Variants in TRAM2 observed in about 807,000 individuals in gnomAD.
The protein encoded by TRAM2 is translocation associated membrane protein 2.
Under a neutral mutation model 51.0 loss-of-function variants are expected in TRAM2, and 12 were observed. That is an observed-to-expected ratio of 0.24 (90% CI 0.15 to 0.38). The LOEUF (loss-of-function observed/expected upper bound fraction) is 0.38. Ranked by LOEUF, TRAM2 falls within the 10% of genes least tolerant of loss-of-function variation. TRAM2 has a pLI of 1.00. For synonymous variants in TRAM2, 175 were observed against 179.4 expected (o/e 0.98, Z 0.20); for missense variants, 361 against 462.0 (o/e 0.78, Z 2.00).
chr6:52,565,409 C>T (rs1054617489), intron 1 of TRAM2, among the ~76,000 whole-genome samples: 14 of 152,158 alleles, frequency 9.2e-5, no homozygotes, highest in African/African-American at 2.7e-4. Flanking sequence ...GGGCAAGTGA[C>T]GGCTGCGGGC....
intron 1 of TRAM2, among the ~76,000 whole-genome samples, chr6:52,563,694 C>CAAAA (rs556665738): frequency 1.4e-4 from 11 of 77,248 alleles, no homozygotes; most frequent in Admixed American, 5.1e-4. Flanking sequence ...GACTCAGCCT[C>CAAAA]AAAAAAAAAA....
At chr6:52,565,947 G>A (rs2268710) in intron 1 of TRAM2, among the ~76,000 whole-genome samples, 30,669 of 152,124 alleles carry the variant, frequency 0.2, 4,058 homozygotes, top group Non-Finnish European at 0.29. Flanking sequence ...GTAAGTCCAC[G>A]GTATTTGCAT....
chr6:52,553,783 G>C (rs1472889654), intron 1 of TRAM2, among the ~76,000 whole-genome samples: 1 of 152,172 alleles, frequency 6.6e-6, no homozygotes, highest in Non-Finnish European at 1.5e-5. Flanking sequence ...CCATAAAGAG[G>C]ACTATGGAGG....
At chr6:52,561,156 A>T (rs1767492636) in intron 1 of TRAM2, among the ~76,000 whole-genome samples, 1 of 152,248 alleles carries the variant, frequency 6.6e-6, no homozygotes, top group Non-Finnish European at 1.5e-5. Context: ...GTATGATCCC[A>T]TGTATATTAA....
chr6:52,507,280 T>G (rs1283933410), intron 7 of TRAM2, among the ~76,000 whole-genome samples: 2 of 152,324 alleles, frequency 1.3e-5, no homozygotes, highest in Middle Eastern at 3.4e-3. Flanking sequence ...GTTGAGGGTC[T>G]TCTTCTGGGT....
chr6:52,547,744 G>A (rs1200145334), intron 1 of TRAM2, among the ~76,000 whole-genome samples: 1 of 152,196 alleles, frequency 6.6e-6, no homozygotes, highest in Non-Finnish European at 1.5e-5. Context: ...GTGCCAAAGG[G>A]GTGGAGGGCC....
chr6:52,516,583 G>A lies in TRAM2; in HGVS notation c.294+45C>T, dbSNP rs374720206. On this transcript the variant is annotated intron_variant, in intron 3 of 10. Transcript: ENST00000182527. ...CCAAGGCCAGGTCCTCCACCCCAAGGCACCTCCCCAGCTTCTGATCTCAGA... is the reference window on the plus strand; with the variant it reads ...CCAAGGCCAGGTCCTCCACCCCAAGACACCTCCCCAGCTTCTGATCTCAGA... The A allele has an allele frequency of 3.9e-6, 6 of 1,534,890 alleles. No individual in the cohort carries two copies. In the African/African-American group the frequency reaches 8.2e-5, roughly 21 times the overall value.
chr6:52,575,587 C>T (rs2114114199), intron 1 of TRAM2, among the ~76,000 whole-genome samples: 1 of 152,286 alleles, frequency 6.6e-6, no homozygotes, highest in African/African-American at 2.4e-5. Context: ...GGCAGCTTCG[C>T]CAGCCAATTA....
In TRAM2 at chr6:52,528,886, C is replaced by CTT. The variant is rs144917424; in HGVS notation, c.184+6895_184+6896dup. Among the ~76,000 whole-genome samples the CTT allele has an allele frequency of 5.8e-4, 75 of 128,502 alleles. 1 individual carries two copies. The highest frequency in any genetic ancestry group is 3.9e-3 in the Middle Eastern group (1 of 254). The allele number at this position is 128,502 out of a possible 152,430, so 84.3% of individuals were successfully genotyped here. On this transcript the variant is annotated intron_variant, in intron 2 of 10. Coordinates refer to ENST00000182527, the MANE Select transcript of TRAM2 (RefSeq NM_012288.4). Reference sequence around the variant, plus strand: ...CACTGCCTTACAAACGTGTACATGACTTTTTTTTTTTTTTTTTTTTTTGAG... The same window carrying CTT: ...CACTGCCTTACAAACGTGTACATGACTTTTTTTTTTTTTTTTTTTTTTTTGAG...
At chr6:52,535,897 G>C (rs1766970728) in intron 1 of TRAM2, 51 bp from the exon 2 acceptor site, 1 of 1,517,448 alleles carries the variant, frequency 6.6e-7, no homozygotes, top group African/African-American at 1.4e-5. Context: ...CACATCAAAA[G>C]AAACAAGTGG....
intron 1 of TRAM2, among the ~76,000 whole-genome samples, chr6:52,575,435 T>A (rs2114114106): frequency 6.6e-6 from 1 of 152,150 alleles, no homozygotes; most frequent in African/African-American, 2.4e-5. Flanking sequence ...GGGACTGAAC[T>A]AAAGGAGCAC....
In TRAM2 at chr6:52,548,230, G is replaced by A. The variant is rs373517932; in HGVS notation, c.121-12384C>T. 1.6e-4 allele frequency among the ~76,000 whole-genome samples: 24 copies of A among 152,322 alleles called. No individual in the cohort carries two copies. In the East Asian group the frequency reaches 2.3e-3, roughly 15 times the overall value. On this transcript the variant is annotated intron_variant, in intron 1 of 10. Coordinates refer to ENST00000182527, the MANE Select transcript of TRAM2 (RefSeq NM_012288.4). The stretch of plus-strand genomic sequence containing the variant: ...CAAAGGCTCAGGACCAGAATCCAGA[G>A]TCAGGCTATACATCTATCTACTCCA...
At chr6:52,562,688 T>G (rs1262993819) in intron 1 of TRAM2, among the ~76,000 whole-genome samples, 2 of 152,176 alleles carry the variant, frequency 1.3e-5, no homozygotes, top group Non-Finnish European at 1.5e-5. Context: ...TAGGTATTTC[T>G]CCTAATGTTA....
At chr6:52,553,846 G>T (rs1767353845) in intron 1 of TRAM2, among the ~76,000 whole-genome samples, 1 of 152,124 alleles carries the variant, frequency 6.6e-6, no homozygotes, top group African/African-American at 2.4e-5. Context: ...CACATCACAG[G>T]TATTCAATAA....
intron 1 of TRAM2, among the ~76,000 whole-genome samples, chr6:52,550,145 G>C (rs1232172656): frequency 6.6e-6 from 1 of 152,174 alleles, no homozygotes; most frequent in Non-Finnish European, 1.5e-5. Context: ...AGCATGAAAG[G>C]GGTATTCATC....
intron 1 of TRAM2, among the ~76,000 whole-genome samples, chr6:52,538,850 C>CA (rs1436421048): frequency 6.6e-6 from 1 of 152,170 alleles, no homozygotes; most frequent in Non-Finnish European, 1.5e-5. Context: ...TATGTTCTCT[C>CA]AAGTCACTGC....
intron 8 of TRAM2, 124 bp from the exon 9 acceptor site, chr6:52,505,866 G>T: frequency 7.0e-7 from 1 of 1,425,542 alleles, no homozygotes; most frequent in African/African-American, 1.4e-5. Flanking sequence ...AGTGCTTGAG[G>T]GACGAGATAT....
intron 1 of TRAM2, among the ~76,000 whole-genome samples, chr6:52,544,562 C>T (rs181078707): frequency 1.4e-4 from 22 of 152,360 alleles, no homozygotes; most frequent in African/African-American, 5.0e-4. Flanking sequence ...CATCCTAACA[C>T]ACTCGGCACT....
At chr6:52,512,018 C>T (rs1221544621) in intron 4 of TRAM2, among the ~76,000 whole-genome samples, 1 of 152,160 alleles carries the variant, frequency 6.6e-6, no homozygotes, top group African/African-American at 2.4e-5. Context: ...CCTCTACCCA[C>T]CCACTCTGTC....
Sources: allele counts gnomAD v4.1 joint callset (sites outside exome capture counted in the v4.1 genomes callset), GRCh38; gene constraint gnomAD v4.1.1; transcripts MANE v1.5; gene names NCBI Gene and HGNC (gene_info 2026-07-23, HGNC 2026-07-21).